The following OXR1 variants were observed in gnomAD, a reference collection of about 807,000 sequenced individuals.
OXR1 encodes oxidation resistance protein 1.
A neutral mutation model predicts 104.6 loss-of-function variants in OXR1; 41 were observed. That is an observed-to-expected ratio of 0.39 (90% CI 0.31 to 0.51). The LOEUF (loss-of-function observed/expected upper bound fraction) is 0.51. Among genes scored for constraint, OXR1 ranks in the 20% least tolerant of loss-of-function variants. OXR1 has a pLI of 0.77. For synonymous variants in OXR1, 348 were observed against 348.4 expected, an observed-to-expected ratio of 1.00 and a Z score of 0.01; for missense variants, 955 against 1,031.9, an observed-to-expected ratio of 0.93 and a Z score of 1.02.
At chr8:106,315,039 GT>G (rs36033766) in intron 1 of OXR1, among the ~76,000 whole-genome samples, 4 of 148,442 alleles carry the variant, frequency 2.7e-5, no homozygotes, top group Non-Finnish European at 6.0e-5. Context: ...CAGAGGTTTA[GT>G]TTTTTTTTTG....
intron 1 of OXR1, among the ~76,000 whole-genome samples, chr8:106,339,492 CAAAAAAAAAAA>C (rs562959605): frequency 5.3e-4 from 4 of 7,580 alleles, no homozygotes; most frequent in Non-Finnish European, 7.4e-4. Flanking sequence ...AGACTCCATC[CAAAAAAAAAAA>C]AAAAAAAAAA....
At chr8:106,397,823 A>G (rs1817842655) in intron 2 of OXR1, among the ~76,000 whole-genome samples, 1 of 152,142 alleles carries the variant, frequency 6.6e-6, no homozygotes, top group Non-Finnish European at 1.5e-5. Flanking sequence ...CTGCCACAAC[A>G]AAGTACAACA....
chr8:106,359,611 G>T lies in OXR1; in HGVS notation c.-3G>T, dbSNP rs771298080. On this transcript the variant is annotated 5_prime_UTR_variant, in exon 2 of 17. Transcript: ENST00000517566. The stretch of plus-strand genomic sequence containing the variant: ...AGAGAAGACTCCTCAACAAGTTGCT[G>T]CAATGTCTGTGTCTAATCTATCATG... 1 of 1,548,984 alleles carries T rather than the reference G, an allele frequency of 6.5e-7. No homozygotes were observed. Among genetic ancestry groups the T allele is most frequent in the Non-Finnish European group, 8.7e-7 (1 of 1,144,232 alleles).
At chr8:106,466,804 GA>G (rs1195689181) in intron 2 of OXR1, among the ~76,000 whole-genome samples, 2 of 151,620 alleles carry the variant, frequency 1.3e-5, no homozygotes, top group African/African-American at 4.8e-5. Flanking sequence ...CCTCATAATG[GA>G]TATTGAATAC....
intron 3 of OXR1, among the ~76,000 whole-genome samples, chr8:106,593,411 C>G (rs115697196): frequency 6.6e-6 from 1 of 152,068 alleles, no homozygotes; most frequent in African/African-American, 2.4e-5. Context: ...TCTTTGCATC[C>G]GAAACAGCAC....
intron 3 of OXR1, among the ~76,000 whole-genome samples, chr8:106,665,937 T>C (rs1387432585): frequency 6.6e-6 from 1 of 151,944 alleles, no homozygotes; most frequent in Non-Finnish European, 1.5e-5. Flanking sequence ...AGTTATTCCT[T>C]ATAGTGAGAA....
chr8:106,576,523 G>A lies in OXR1; in HGVS notation c.220+57384G>A, dbSNP rs374444783. Among the ~76,000 whole-genome samples, 8 of 145,410 alleles carry A rather than the reference G, an allele frequency of 5.5e-5. No homozygotes were observed. In the East Asian group the frequency reaches 1.4e-3, roughly 26 times the overall value. The stretch of plus-strand genomic sequence containing the variant: ...TAGAGCCACAGGCTTTATTGCAGAA[G>A]ACCTGGGAAAGTTATCTGTTGTTGA... On this transcript the variant is annotated intron_variant, in intron 3 of 16. Transcript: ENST00000517566.
chr8:106,709,167 T>C (rs1831448766), intron 9 of OXR1, among the ~76,000 whole-genome samples: 1 of 152,132 alleles, frequency 6.6e-6, no homozygotes. Flanking sequence ...GAGATGATCA[T>C]TGTTAACATT....
At chr8:106,578,987 CTT>C (rs71307073) in intron 3 of OXR1, among the ~76,000 whole-genome samples, 36 of 137,880 alleles carry the variant, frequency 2.6e-4, no homozygotes, top group East Asian at 6.4e-4. Context: ...CTTTTTCTTT[CTT>C]TTTTTTTTTT....
intron 3 of OXR1, among the ~76,000 whole-genome samples, chr8:106,674,125 G>A (rs1827328580): frequency 1.3e-5 from 2 of 152,168 alleles, no homozygotes; most frequent in African/African-American, 4.8e-5. Context: ...AGCTTGCACT[G>A]TGCACCTGGA....
At chr8:106,483,308 G>A (rs1177367652) in intron 2 of OXR1, among the ~76,000 whole-genome samples, 1 of 151,906 alleles carries the variant, frequency 6.6e-6, no homozygotes, top group Non-Finnish European at 1.5e-5. Context: ...TCTGGAGTGG[G>A]GGACAGGGTG....
At chr8:106,362,388 C>G (rs1816285115) in intron 2 of OXR1, among the ~76,000 whole-genome samples, 1 of 152,150 alleles carries the variant, frequency 6.6e-6, no homozygotes, top group African/African-American at 2.4e-5. Flanking sequence ...AGTATAGTTA[C>G]AGGCATATTT....
chr8:106,685,483 G>A (rs1828613931), intron 6 of OXR1, among the ~76,000 whole-genome samples: 2 of 152,202 alleles, frequency 1.3e-5, no homozygotes, highest in Non-Finnish European at 1.5e-5. Flanking sequence ...AAAACAAAAT[G>A]TTGAAAGTTA....
intron 2 of OXR1, among the ~76,000 whole-genome samples, chr8:106,477,242 T>C (rs1470321029): frequency 6.6e-6 from 1 of 151,920 alleles, no homozygotes; most frequent in Admixed American, 6.6e-5. Flanking sequence ...CCATGAGAAA[T>C]CACTTTTTCC....
intron 2 of OXR1, among the ~76,000 whole-genome samples, chr8:106,392,561 G>T (rs1476112598): frequency 6.6e-6 from 1 of 152,096 alleles, no homozygotes; most frequent in Non-Finnish European, 1.5e-5. Context: ...AAAACCTGTT[G>T]CTTATGATAT....
rs1053855728 is a variant in OXR1 at position 106,277,414 on chromosome 8, C to G, written c.-139+7047C>G. 2.6e-5 allele frequency among the ~76,000 whole-genome samples: 4 copies of G among 152,232 alleles called. No homozygotes were observed. The South Asian group carries it at 8.3e-4, about 32-fold the overall frequency. ...ATGCTAGCATGATGTCTGGCACCCT[C>G]TTTGTCCTTGTACTCTGCTAATTCC... On this transcript the variant is annotated intron_variant, in intron 1 of 16. Coordinates refer to ENST00000517566, the MANE Select transcript of OXR1 (RefSeq NM_001198533.2).
At chr8:106,375,977 G>T (rs1189189283) in intron 2 of OXR1, among the ~76,000 whole-genome samples, 1 of 152,048 alleles carries the variant, frequency 6.6e-6, no homozygotes, top group South Asian at 2.1e-4. Context: ...AGCCTCTGGA[G>T]TAGCTGGTAC....
intron 3 of OXR1, among the ~76,000 whole-genome samples, chr8:106,585,771 G>A (rs937628413): frequency 6.6e-6 from 1 of 152,114 alleles, no homozygotes; most frequent in Admixed American, 6.5e-5. Context: ...GTAAAAAATT[G>A]AAGGAGGTAA....
intron 3 of OXR1, among the ~76,000 whole-genome samples, chr8:106,663,875 C>G (rs922838520): frequency 1.3e-5 from 2 of 152,162 alleles, no homozygotes; most frequent in Non-Finnish European, 2.9e-5. Context: ...TCTCTGGTGC[C>G]GTAAAGGTTG....
Sources: gnomAD v4.1 joint callset for allele counts (sites outside exome capture counted in the v4.1 genomes callset) on GRCh38, gnomAD v4.1.1 for gene constraint, MANE v1.5 for transcripts, NCBI Gene and HGNC (gene_info 2026-07-23, HGNC 2026-07-21) for gene names.